The following SDCCAG8 variants were observed in gnomAD, a reference collection of about 807,000 sequenced individuals.
SDCCAG8 encodes SHH signaling and ciliogenesis regulator SDCCAG8.
A neutral mutation model predicts 101.8 loss-of-function variants in SDCCAG8; 74 were observed. The observed-to-expected ratio is 0.73, with a 90% confidence interval of 0.60 to 0.88. The LOEUF (loss-of-function observed/expected upper bound fraction) is 0.88. Ranked by LOEUF, SDCCAG8 falls within the 40% of genes least tolerant of loss-of-function variation. The pLI, the probability that SDCCAG8 is intolerant of heterozygous loss-of-function variation, is 0.00. For missense variants in SDCCAG8, 787 were observed against 822.6 expected (o/e 0.96, Z 0.53); for synonymous variants, 281 against 292.9 (o/e 0.96, Z 0.41).
intron 9 of SDCCAG8, among the ~76,000 whole-genome samples, chr1:243,322,586 C>T (rs1324832331): frequency 3.3e-5 from 5 of 152,134 alleles, no homozygotes; most frequent in African/African-American, 4.8e-5. Flanking sequence ...AATTTCTCCA[C>T]CCTGATCACT....
At chr1:243,294,930 A>G (rs1242953820) in intron 6 of SDCCAG8, among the ~76,000 whole-genome samples, 2 of 152,112 alleles carry the variant, frequency 1.3e-5, no homozygotes, top group African/African-American at 2.4e-5. Flanking sequence ...GGAAGATAGA[A>G]TGAATCATAG....
At position 243,274,577 on chromosome 1, in the gene SDCCAG8, C is replaced by T; in HGVS notation, c.341C>T (p.Thr114Ile). 1 of 1,608,380 alleles carries T rather than the reference C, an allele frequency of 6.2e-7. No homozygotes were observed. Among genetic ancestry groups the T allele is most frequent in the African/African-American group, 1.3e-5 (1 of 74,890 alleles). Reference sequence around the variant, plus strand: ...GAACATGAGGAAACCAATATGCCTACTATGCACGACCTTGTTCATACTATT... The same window carrying T: ...GAACATGAGGAAACCAATATGCCTATTATGCACGACCTTGTTCATACTATT... The part of the protein sequence containing the change: ...SLEHEETNMP[T>I]MHDLVHTIND... The change falls in exon 4 of 18, where the codon ACT becomes ATT. Residue 114 changes from threonine to isoleucine, a missense_variant. Coordinates refer to ENST00000366541, the MANE Select transcript of SDCCAG8 (RefSeq NM_006642.5).
chr1:243,265,807 C>T lies in SDCCAG8; in HGVS notation c.68-4298C>T, dbSNP rs557838496. On this transcript the variant is annotated intron_variant, in intron 1 of 17. Coordinates refer to ENST00000366541, the MANE Select transcript of SDCCAG8 (RefSeq NM_006642.5). ...CAGCCTGGGGACAACAGGGAGACTT[C>T]GTCTCCAAAAAAAAAAAAAACTCCT... Among the ~76,000 whole-genome samples the T allele has an allele frequency of 2.4e-3, 365 of 149,790 alleles. 1 individual carries two copies. The highest frequency in any genetic ancestry group is 8.4e-3 in the African/African-American group (343 of 40,756).
intron 12 of SDCCAG8, among the ~76,000 whole-genome samples, chr1:243,358,497 C>T (rs1285994686): frequency 6.6e-6 from 1 of 152,044 alleles, no homozygotes; most frequent in African/African-American, 2.4e-5. Flanking sequence ...CTGGAACTCC[C>T]CCATAAGTTG....
intron 6 of SDCCAG8, among the ~76,000 whole-genome samples, chr1:243,295,158 C>G (rs894827763): frequency 1.3e-5 from 2 of 152,152 alleles, no homozygotes; most frequent in Non-Finnish European, 2.9e-5. Flanking sequence ...AGGATAAAGA[C>G]CAATGTCTCA....
intron 13 of SDCCAG8, among the ~76,000 whole-genome samples, chr1:243,379,975 G>C (rs1299245228): frequency 6.6e-6 from 1 of 152,168 alleles, no homozygotes; most frequent in Non-Finnish European, 1.5e-5. Context: ...AAAGTTTTGG[G>C]TGAGTGTTAA....
chr1:243,398,794 G>A (rs532344116), intron 13 of SDCCAG8, among the ~76,000 whole-genome samples: 64 of 152,320 alleles, frequency 4.2e-4, no homozygotes, highest in Non-Finnish European at 7.2e-4. Flanking sequence ...CTTATAGGTA[G>A]AACCAATAGC....
chr1:243,330,477 G>C (rs2074506517), intron 9 of SDCCAG8, 63 bp from the exon 10 acceptor site: 1 of 1,535,478 alleles, frequency 6.5e-7, no homozygotes, highest in African/African-American at 1.4e-5. Flanking sequence ...GCTTAATTAT[G>C]TCATTTTACC....
chr1:243,413,340 G>A (rs2148007108), intron 13 of SDCCAG8, among the ~76,000 whole-genome samples: 1 of 152,208 alleles, frequency 6.6e-6, no homozygotes, highest in African/African-American at 2.4e-5. Flanking sequence ...CAAGTAGCTG[G>A]GATTACAGGC....
At chr1:243,404,862 C>CT (rs529062563) in intron 13 of SDCCAG8, among the ~76,000 whole-genome samples, 19,904 of 137,604 alleles carry the variant, frequency 0.14, 1,518 homozygotes, top group African/African-American at 0.21. Flanking sequence ...TAGACTTCTT[C>CT]TTTTTTTTTT....
chr1:243,393,870 A>G (rs2078878305), intron 13 of SDCCAG8, among the ~76,000 whole-genome samples: 1 of 152,204 alleles, frequency 6.6e-6, no homozygotes, highest in African/African-American at 2.4e-5. Flanking sequence ...AAGCTCATTT[A>G]AGCTGTGTTT....
chr1:243,446,448 T>C (rs2082911800), intron 16 of SDCCAG8, among the ~76,000 whole-genome samples: 3 of 152,138 alleles, frequency 2.0e-5, no homozygotes, highest in Admixed American at 6.5e-5. Context: ...GTATGTTTTA[T>C]AGACACAAGG....
At chr1:243,324,643 A>T (rs2149341965) in intron 9 of SDCCAG8, among the ~76,000 whole-genome samples, 1 of 152,102 alleles carries the variant, frequency 6.6e-6, no homozygotes, top group African/African-American at 2.4e-5. Context: ...ACGTATTCTT[A>T]TACCAAGTAT....
chr1:243,470,969 AGTT>A (rs772312418), intron 16 of SDCCAG8, among the ~76,000 whole-genome samples: 23 of 152,184 alleles, frequency 1.5e-4, no homozygotes, highest in East Asian at 7.7e-4. Flanking sequence ...TCTCTTTCAT[AGTT>A]GTTGTTGTTA....
At chr1:243,355,569 T>C (rs1573523210) in intron 12 of SDCCAG8, among the ~76,000 whole-genome samples, 1 of 152,318 alleles carries the variant, frequency 6.6e-6, no homozygotes, top group East Asian at 1.9e-4. Context: ...TTTCAAATGC[T>C]ACCTTTTCTG....
chr1:243,350,665 T>G (rs1267746122), intron 12 of SDCCAG8, among the ~76,000 whole-genome samples: 2 of 152,234 alleles, frequency 1.3e-5, no homozygotes, highest in African/African-American at 4.8e-5. Context: ...AAACACCTGA[T>G]TTGAGTCTTC....
intron 9 of SDCCAG8, among the ~76,000 whole-genome samples, chr1:243,320,111 T>G (rs1264704758): frequency 2.0e-5 from 3 of 152,214 alleles, no homozygotes; most frequent in African/African-American, 7.2e-5. Context: ...GATGGCACTT[T>G]TACTCACTAA....
chr1:243,423,182 T>A (rs1358265447), intron 15 of SDCCAG8, among the ~76,000 whole-genome samples: 1 of 152,156 alleles, frequency 6.6e-6, no homozygotes, highest in Non-Finnish European at 1.5e-5. Flanking sequence ...ATTGTTGCAA[T>A]ACACACTTGA....
chr1:243,444,960 AT>A (rs1365508316), intron 16 of SDCCAG8, among the ~76,000 whole-genome samples: 3 of 152,056 alleles, frequency 2.0e-5, no homozygotes, highest in African/African-American at 4.8e-5. Flanking sequence ...AAGGATATCA[AT>A]TTCTATTTTA....
Sources: allele counts gnomAD v4.1 joint callset (sites outside exome capture counted in the v4.1 genomes callset), GRCh38; gene constraint gnomAD v4.1.1; transcripts MANE v1.5; gene names NCBI Gene and HGNC (gene_info 2026-07-23, HGNC 2026-07-21).